Variants in TMEM272 observed in about 807,000 individuals in gnomAD.
TMEM272 encodes the protein transmembrane protein 272.
In TMEM272, 8 loss-of-function variants were observed where a neutral mutation model predicts 3.7. The observed-to-expected ratio is 2.17, with a 90% confidence interval of 1.27 to 3.91. TMEM272 has a LOEUF of 3.91. Among genes scored for constraint, TMEM272 ranks in the 30% most tolerant of loss-of-function variants. The pLI is 0.00. For synonymous variants in TMEM272, 63 were observed against 39.8 expected (o/e 1.58, Z -2.20); for missense variants, 166 against 91.5 (o/e 1.81, Z -3.32).
chr13:51,918,610 T>A, the TMEM272 span, among the ~76,000 whole-genome samples: 1 of 152,092 alleles, frequency 6.6e-6, no homozygotes, highest in African/African-American at 2.4e-5. Context: ...CCATGTAATT[T>A]TTAAAACTAT....
At chr13:51,863,453 T>C in the TMEM272 span, among the ~76,000 whole-genome samples, 2 of 152,246 alleles carry the variant, frequency 1.3e-5, no homozygotes, top group Admixed American at 1.3e-4. Context: ...TGGCCTGACC[T>C]GGCTGTCATG....
At chr13:51,885,238 T>C in the TMEM272 span, among the ~76,000 whole-genome samples, 1 of 152,232 alleles carries the variant, frequency 6.6e-6, no homozygotes, top group African/African-American at 2.4e-5. Context: ...TCAATTTTCA[T>C]ATATAGCATG....
chr13:51,870,237 T>C, the TMEM272 span, among the ~76,000 whole-genome samples: 2 of 152,056 alleles, frequency 1.3e-5, no homozygotes, highest in African/African-American at 2.4e-5. Context: ...TTTTGAAATA[T>C]ATAAAAGTTC....
At chr13:51,890,396 C>T in the TMEM272 span, among the ~76,000 whole-genome samples, 1 of 152,072 alleles carries the variant, frequency 6.6e-6, no homozygotes, top group South Asian at 2.1e-4. Context: ...TCTCATCTCC[C>T]TCCCCTTTCT....
chr13:51,879,673 T>C, the TMEM272 span, among the ~76,000 whole-genome samples: 1,246 of 152,292 alleles, frequency 8.2e-3, 28 homozygotes, highest in African/African-American at 0.028. Context: ...ACATGACCCT[T>C]CCACTTCCAC....
At chr13:51,911,219 T>C in the TMEM272 span, among the ~76,000 whole-genome samples, 1 of 152,214 alleles carries the variant, frequency 6.6e-6, no homozygotes, top group African/African-American at 2.4e-5. Flanking sequence ...AATTTTCTGA[T>C]TGACCATTAC....
At chr13:51,909,322 C>A in the TMEM272 span, 6 of 910,536 alleles carry the variant, frequency 6.6e-6, no homozygotes, top group Admixed American at 1.8e-5. Flanking sequence ...TCTTCAAGAT[C>A]TTTGGCTCGC....
chr13:51,876,991 G>T, the TMEM272 span, among the ~76,000 whole-genome samples: 1 of 152,202 alleles, frequency 6.6e-6, no homozygotes, highest in Non-Finnish European at 1.5e-5. Flanking sequence ...TGAAACTGAA[G>T]ATTTGGTTAG....
At chr13:51,912,358 T>C in the TMEM272 span, among the ~76,000 whole-genome samples, 1 of 152,100 alleles carries the variant, frequency 6.6e-6, no homozygotes, top group Non-Finnish European at 1.5e-5. Flanking sequence ...CAAACAGCCT[T>C]CTCCGTATCA....
intron 4 of TMEM272, among the ~76,000 whole-genome samples, chr13:51,818,439 G>T (rs1448755432): frequency 6.6e-6 from 1 of 152,216 alleles, no homozygotes; most frequent in Non-Finnish European, 1.5e-5. Context: ...GTCAGAGCCT[G>T]GAGGTGAACA....
upstream of TMEM272, among the ~76,000 whole-genome samples, chr13:51,849,040 G>A (rs916107582): frequency 6.6e-6 from 1 of 152,034 alleles, no homozygotes; most frequent in African/African-American, 2.4e-5. Flanking sequence ...ACTTCTACCT[G>A]AGTCAAAAAG....
At chr13:51,827,043 A>G (rs1956132100) in intron 2 of TMEM272, among the ~76,000 whole-genome samples, 1 of 152,170 alleles carries the variant, frequency 6.6e-6, no homozygotes, top group African/African-American at 2.4e-5. Flanking sequence ...CCTGGATAAA[A>G]TTCACTGACA....
chr13:51,870,724 A>G, the TMEM272 span, among the ~76,000 whole-genome samples: 1 of 152,242 alleles, frequency 6.6e-6, no homozygotes, highest in Non-Finnish European at 1.5e-5. Context: ...AACCAACCCA[A>G]CTTATACTAC....
intron 4 of TMEM272, among the ~76,000 whole-genome samples, chr13:51,819,352 G>A (rs1255579585): frequency 6.6e-6 from 1 of 152,228 alleles, no homozygotes; most frequent in Non-Finnish European, 1.5e-5. Flanking sequence ...AGCTGGAACT[G>A]AGAGTCCAGC....
intron 2 of TMEM272, among the ~76,000 whole-genome samples, chr13:51,829,323 G>C (rs908858570): frequency 2.0e-5 from 3 of 152,148 alleles, no homozygotes; most frequent in African/African-American, 7.2e-5. Context: ...GGCCAAAAGA[G>C]AGACTGCAGA....
At chr13:51,829,393 G>T (rs921673049) in intron 2 of TMEM272, among the ~76,000 whole-genome samples, 1 of 152,164 alleles carries the variant, frequency 6.6e-6, no homozygotes, top group Non-Finnish European at 1.5e-5. Flanking sequence ...CCTGCTTTTT[G>T]AACAAGGTGC....
the TMEM272 span, among the ~76,000 whole-genome samples, chr13:51,859,143 T>G: frequency 6.6e-6 from 1 of 151,150 alleles, no homozygotes; most frequent in Non-Finnish European, 1.5e-5. Context: ...CAGAGCTTAC[T>G]CTGTGCAAAT....
intron 3 of TMEM272, among the ~76,000 whole-genome samples, chr13:51,823,790 A>G (rs1190105154): frequency 6.6e-6 from 1 of 152,246 alleles, no homozygotes; most frequent in Admixed American, 6.5e-5. Context: ...CTGTTTTTCT[A>G]TGACTACACC....
intron 1 of TMEM272, among the ~76,000 whole-genome samples, chr13:51,844,801 T>C (rs548180065): frequency 1.3e-5 from 2 of 152,320 alleles, no homozygotes; most frequent in South Asian, 4.1e-4. Flanking sequence ...TCCTTTACGA[T>C]TGTTCTCTTC....
Sources: allele counts gnomAD v4.1 joint callset (sites outside exome capture counted in the v4.1 genomes callset), GRCh38; gene constraint gnomAD v4.1.1; transcripts MANE v1.5; gene names NCBI Gene and HGNC (gene_info 2026-07-23, HGNC 2026-07-21).